Variants in CDH12 observed in about 807,000 individuals in gnomAD.
The protein encoded by CDH12 is cadherin-12.
Under a neutral mutation model 74.1 loss-of-function variants are expected in CDH12, and 41 were observed. The ratio of observed to expected loss-of-function variants is 0.55; its 90% confidence interval spans 0.43 to 0.72. CDH12 has a LOEUF of 0.72. Ranked by LOEUF, CDH12 falls within the 30% of genes least tolerant of loss-of-function variation. The probability of loss-of-function intolerance (pLI) is 0.00; values close to 1 mark genes in which losing one functional copy is unlikely to be tolerated. For synonymous variants in CDH12, 399 were observed against 355.0 expected (o/e 1.12, Z -1.39); for missense variants, 945 against 977.2 (o/e 0.97, Z 0.44).
intron 2 of CDH12, among the ~76,000 whole-genome samples, chr5:22,418,519 G>C (rs897944087): frequency 6.6e-6 from 1 of 152,134 alleles, no homozygotes; most frequent in Non-Finnish European, 1.5e-5. Context: ...TCCTTGTCTT[G>C]TGCCGGTTTT....
chr5:21,900,565 G>T (rs1753338911), intron 6 of CDH12, among the ~76,000 whole-genome samples: 1 of 152,132 alleles, frequency 6.6e-6, no homozygotes. Flanking sequence ...TGACCTGGGA[G>T]CTCTGCCACC....
intron 6 of CDH12, among the ~76,000 whole-genome samples, chr5:21,939,664 G>A (rs4028787): frequency 3.9e-5 from 6 of 152,096 alleles, no homozygotes; most frequent in African/African-American, 7.2e-5. Flanking sequence ...AAACTGTGCA[G>A]TAGTCATTAT....
At chr5:22,472,987 C>T (rs1213924539) in intron 2 of CDH12, among the ~76,000 whole-genome samples, 1 of 152,068 alleles carries the variant, frequency 6.6e-6, no homozygotes, top group Non-Finnish European at 1.5e-5. Context: ...CCTTTGAGGC[C>T]CTACTTGATC....
intron 5 of CDH12, among the ~76,000 whole-genome samples, chr5:22,025,626 T>C (rs1446563037): frequency 6.6e-6 from 1 of 152,176 alleles, no homozygotes; most frequent in African/African-American, 2.4e-5. Flanking sequence ...GCTGCATTTA[T>C]TCACTCTTCC....
At chr5:22,214,468 A>T (rs1751721796) in intron 3 of CDH12, among the ~76,000 whole-genome samples, 1 of 152,164 alleles carries the variant, frequency 6.6e-6, no homozygotes, top group Non-Finnish European at 1.5e-5. Flanking sequence ...AATTGTAAAA[A>T]TAAGAAAATG....
chr5:22,585,307 C>T (rs909449737), intron 1 of CDH12, among the ~76,000 whole-genome samples: 2 of 152,094 alleles, frequency 1.3e-5, no homozygotes, highest in Admixed American at 6.6e-5. Flanking sequence ...TCTTTTCTTG[C>T]TATTTAAAAG....
intron 4 of CDH12, among the ~76,000 whole-genome samples, chr5:22,164,986 C>T (rs1423013234): frequency 2.7e-5 from 4 of 145,718 alleles, no homozygotes; most frequent in African/African-American, 1.0e-4. Flanking sequence ...CCCAGGAGCA[C>T]TGCCTTGCGA....
chr5:22,474,483 A>G (rs1746089559), intron 2 of CDH12, among the ~76,000 whole-genome samples: 1 of 152,190 alleles, frequency 6.6e-6, no homozygotes, highest in African/African-American at 2.4e-5. Context: ...AATAGACAGC[A>G]ATAGAAACTA....
chr5:22,622,781 G>T (rs147943129), intron 1 of CDH12, among the ~76,000 whole-genome samples: 1 of 152,000 alleles, frequency 6.6e-6, no homozygotes, highest in African/African-American at 2.4e-5. Flanking sequence ...AAACTATTCC[G>T]ATCAATAGAA....
intron 1 of CDH12, among the ~76,000 whole-genome samples, chr5:22,525,476 AAGAGAGAGAGAAAGAG>A (rs1283288016): frequency 6.6e-6 from 1 of 150,434 alleles, no homozygotes; most frequent in Admixed American, 6.6e-5. Context: ...GAGAGAGAGC[AAGAGAGAGAGAAAGAG>A]AGAGAGAGAA....
At chr5:22,048,689 A>G (rs1469834238) in intron 5 of CDH12, among the ~76,000 whole-genome samples, 10 of 152,180 alleles carry the variant, frequency 6.6e-5, no homozygotes, top group Admixed American at 4.6e-4. Flanking sequence ...AATGAGAATG[A>G]GTAGGAAAAA....
At chr5:22,560,687 A>G (rs1032322507) in intron 1 of CDH12, among the ~76,000 whole-genome samples, 19 of 152,104 alleles carry the variant, frequency 1.2e-4, no homozygotes, top group African/African-American at 4.3e-4. Flanking sequence ...GGAGACTGAG[A>G]AAAGGATGAG....
chr5:22,761,929 A>AC (rs1746249399), intron 1 of CDH12, among the ~76,000 whole-genome samples: 1 of 133,896 alleles, frequency 7.5e-6, no homozygotes, highest in East Asian at 2.1e-4. Flanking sequence ...GTAATTTCTC[A>AC]AACACACACA....
chr5:22,027,237 TG>T (rs1390464154), intron 5 of CDH12, among the ~76,000 whole-genome samples: 1 of 152,136 alleles, frequency 6.6e-6, no homozygotes, highest in African/African-American at 2.4e-5. Context: ...TGAGGATTTT[TG>T]CATCAATGTT....
chr5:22,089,433 A>T (rs1743283622), intron 4 of CDH12, among the ~76,000 whole-genome samples: 1 of 152,230 alleles, frequency 6.6e-6, no homozygotes, highest in African/African-American at 2.4e-5. Flanking sequence ...TCAAAGTAAC[A>T]TTATAAACAT....
chr5:22,294,789 T>C (rs541224240), intron 3 of CDH12, among the ~76,000 whole-genome samples: 2 of 152,364 alleles, frequency 1.3e-5, no homozygotes, highest in Admixed American at 6.5e-5. Flanking sequence ...TATAGGTCCA[T>C]GGCCTCTCGT....
At chr5:22,831,054 A>G (rs573249991) in intron 1 of CDH12, among the ~76,000 whole-genome samples, 1 of 152,126 alleles carries the variant, frequency 6.6e-6, no homozygotes, top group East Asian at 1.9e-4. Context: ...CTGAGATTCA[A>G]ATATTAAAAG....
chr5:22,641,451 G>A (rs560071365), intron 1 of CDH12, among the ~76,000 whole-genome samples: 1 of 152,156 alleles, frequency 6.6e-6, no homozygotes, highest in South Asian at 2.1e-4. Context: ...CTCATAGAGA[G>A]CAGATCTTCC....
At chr5:22,572,911 T>C (rs957480460) in intron 1 of CDH12, among the ~76,000 whole-genome samples, 1 of 152,234 alleles carries the variant, frequency 6.6e-6, no homozygotes, top group African/African-American at 2.4e-5. Flanking sequence ...CCTTCAGATG[T>C]CAGCAAGCAT....
Sources: allele counts gnomAD v4.1 joint callset (sites outside exome capture counted in the v4.1 genomes callset), GRCh38; gene constraint gnomAD v4.1.1; transcripts MANE v1.5; gene names NCBI Gene and HGNC (gene_info 2026-07-23, HGNC 2026-07-21).